The following BAZ1B variants were observed in gnomAD, a reference collection of about 807,000 sequenced individuals.
BAZ1B encodes bromodomain adjacent to zinc finger domain 1B.
A neutral mutation model predicts 153.8 loss-of-function variants in BAZ1B; 22 were observed. That is an observed-to-expected ratio of 0.14 (90% confidence interval 0.10 to 0.20). The LOEUF (loss-of-function observed/expected upper bound fraction) is 0.20. BAZ1B is among the 10% of genes least tolerant of loss of function. The pLI is 1.00. For synonymous variants in BAZ1B, 676 were observed against 633.4 expected (o/e 1.07, Z -1.01); for missense variants, 1,325 against 1,799.3 (o/e 0.74, Z 4.77).
At chr7:73,465,567 T>TAA in intron 10 of BAZ1B, 30 bp from the exon 11 acceptor site, 1 of 1,358,148 alleles carries the variant, frequency 7.4e-7, no homozygotes, top group Non-Finnish European at 1.0e-6. Flanking sequence ...CTGATAACTC[T>TAA]GAAAAAAAAA....
At chr7:73,444,915 G>A (rs533025080) in intron 16 of BAZ1B, among the ~76,000 whole-genome samples, 1 of 152,266 alleles carries the variant, frequency 6.6e-6, no homozygotes, top group South Asian at 2.1e-4. Context: ...TCAGGAGGCT[G>A]AGGCAGGAAA....
At chr7:73,494,042 T>C (rs782163363) in intron 4 of BAZ1B, among the ~76,000 whole-genome samples, 4 of 152,070 alleles carry the variant, frequency 2.6e-5, no homozygotes, top group Admixed American at 6.6e-5. Context: ...AGAGAACCAA[T>C]GACAGACTGT....
intron 6 of BAZ1B, among the ~76,000 whole-genome samples, chr7:73,485,626 A>AG (rs1491344685): frequency 4.4e-5 from 4 of 91,384 alleles, no homozygotes; most frequent in Non-Finnish European, 7.0e-5. Context: ...CCTACCTCAG[A>AG]AAAAAAAAAA....
At chr7:73,519,589 G>A (rs1790947204) in intron 1 of BAZ1B, among the ~76,000 whole-genome samples, 2 of 151,982 alleles carry the variant, frequency 1.3e-5, no homozygotes, top group South Asian at 4.1e-4. Context: ...AAATGTTTCC[G>A]GTTTCAGTTT....
intron 3 of BAZ1B, among the ~76,000 whole-genome samples, chr7:73,499,570 C>T (rs1338137040): frequency 2.6e-5 from 4 of 152,268 alleles, no homozygotes; most frequent in African/African-American, 4.8e-5. Flanking sequence ...AGCATGATGG[C>T]GTGTTCCCAT....
intron 3 of BAZ1B, among the ~76,000 whole-genome samples, chr7:73,499,916 T>C (rs1446114742): frequency 6.6e-6 from 1 of 152,222 alleles, no homozygotes; most frequent in Non-Finnish European, 1.5e-5. Context: ...TATGTGTTTC[T>C]CTCTTATACA....
intron 1 of BAZ1B, among the ~76,000 whole-genome samples, chr7:73,512,711 A>C (rs912899507): frequency 1.3e-5 from 2 of 152,202 alleles, no homozygotes; most frequent in Non-Finnish European, 2.9e-5. Context: ...ATCAACTGAC[A>C]TAAGTAGAAA....
chr7:73,442,904 ATCTGCTC>A, intron 17 of BAZ1B, 76 bp from the exon 18 acceptor site: 1 of 1,088,528 alleles, frequency 9.2e-7, no homozygotes, highest in Admixed American at 2.1e-5. Flanking sequence ...AAATAAGTGT[ATCTGCTC>A]AAAAAAGGAA....
intron 9 of BAZ1B, among the ~76,000 whole-genome samples, chr7:73,466,901 T>A (rs1788610830): frequency 6.6e-6 from 1 of 152,178 alleles, no homozygotes; most frequent in Admixed American, 6.6e-5. Flanking sequence ...AAAGCCTATC[T>A]TAGATCATCA....
At chr7:73,466,249 C>T in intron 10 of BAZ1B, 47 bp downstream of exon 10, 1 of 1,355,126 alleles carries the variant, frequency 7.4e-7, no homozygotes, top group South Asian at 1.2e-5. Context: ...TCTTCCTTAA[C>T]AATTAAAAGG....
chr7:73,522,115 G>A lies in BAZ1B; in HGVS notation c.-182C>T. 1 of 414,782 alleles carries A rather than the reference G, an allele frequency of 2.4e-6. No individual in the cohort carries two copies. Among genetic ancestry groups the A allele is most frequent in the East Asian group, 3.6e-5 (1 of 28,002 alleles). 25.7% of individuals were successfully genotyped at this position (414,782 alleles called of 1,614,324 possible). A position where few individuals can be genotyped will look rare whatever the true frequency, so the allele number is the denominator to read the frequency against. On this transcript the variant is annotated 5_prime_UTR_variant, in exon 1 of 20. Transcript: ENST00000339594. ...GCGGCCGCGCGACAGTCATGGAGCG[G>A]AACGCCACGGCGCAGAGCTCCCGCG...
chr7:73,470,534 T>C (rs1788762033), intron 7 of BAZ1B, 51 bp from the exon 8 acceptor site: 1 of 1,587,038 alleles, frequency 6.3e-7, no homozygotes, highest in Non-Finnish European at 8.6e-7. Context: ...TAAATCCCAC[T>C]CTTACAAATT....
intron 8 of BAZ1B, 94 bp from the exon 9 acceptor site, chr7:73,469,744 G>T: frequency 6.9e-7 from 1 of 1,449,636 alleles, no homozygotes; most frequent in Non-Finnish European, 9.5e-7. Flanking sequence ...GTATCACTGA[G>T]CATTCAAAAC....
chr7:73,465,568 GA>G (rs60386137), intron 10 of BAZ1B, 31 bp from the exon 11 acceptor site: 110,252 of 922,918 alleles, frequency 0.12, 5 homozygotes, highest in South Asian at 0.14. Context: ...TGATAACTCT[GA>G]AAAAAAAAAA....
intron 13 of BAZ1B, among the ~76,000 whole-genome samples, chr7:73,455,655 C>T (rs1400973186): frequency 1.3e-5 from 2 of 152,042 alleles, no homozygotes; most frequent in Non-Finnish European, 2.9e-5. Flanking sequence ...GTGACACTCG[C>T]CTATAATCCC....
rs148154253 is a variant in BAZ1B, at chr7:73,463,089, T to C, written c.3082A>G (p.Ile1028Val). ...KERLEKRYQD[I>V]IHSIHLARKP... Reference sequence around the variant, plus strand: ...CGTGCTAGATGAATAGAGTGAATAATGTCCTGGTACCTAGAAGATTTGGGA... The same window carrying C: ...CGTGCTAGATGAATAGAGTGAATAACGTCCTGGTACCTAGAAGATTTGGGA... Residue 1028 changes from isoleucine (I) to valine (V), a missense_variant, in exon 12 of 20, where the codon ATT becomes GTT. This residue lies in a region of BAZ1B where 431 missense variants were observed against 563.5 expected (regional missense o/e 0.76). Transcript: ENST00000339594. 1.2e-5 allele frequency: 19 copies of C among 1,612,610 alleles called. No homozygotes were observed. The African/African-American group carries it at 2.5e-4, about 22-fold the overall frequency.
rs1435884228 is a variant in BAZ1B at position 73,475,979 on chromosome 7, C to A, written c.2593+889G>T. On this transcript the variant is annotated intron_variant, in intron 7 of 19. Transcript: ENST00000339594. ...TAAATAGAGGTGGTCTATTTTGTGA[C>A]TGGCTTCTTTCACTTAGCATAATGT... Among the ~76,000 whole-genome samples the A allele has an allele frequency of 2.0e-5, 3 of 151,186 alleles. 1 individual carries two copies. In the South Asian group the frequency reaches 6.3e-4, roughly 32 times the overall value.
intron 4 of BAZ1B, among the ~76,000 whole-genome samples, chr7:73,497,055 C>T (rs1338495329): frequency 1.0e-5 from 1 of 97,314 alleles, no homozygotes; most frequent in Admixed American, 9.4e-5. Context: ...ATCGTGAGAA[C>T]TGACCTCTAC....
In BAZ1B at chr7:73,522,006, G is replaced by T; in HGVS notation, c.-73C>A. The T allele has an allele frequency of 8.9e-7, 1 of 1,129,228 alleles. No individual in the cohort carries two copies. Among genetic ancestry groups the T allele is most frequent in the Non-Finnish European group, 1.1e-6 (1 of 895,268 alleles). The allele number at this position is 1,129,228 out of a possible 1,614,324, so 70.0% of individuals were successfully genotyped here. ...GCGCAGCACTAGGCCCCGCGGCCCG[G>T]AGCGAGCGCCAGGCGCCCGGGGGTG... On this transcript the variant is annotated 5_prime_UTR_variant, in exon 1 of 20. Transcript: ENST00000339594.
Sources: allele counts gnomAD v4.1 joint callset (sites outside exome capture counted in the v4.1 genomes callset), GRCh38; gene constraint gnomAD v4.1.1; regional missense constraint gnomAD v4.1.1; transcripts MANE v1.5; gene names NCBI Gene and HGNC (gene_info 2026-07-23, HGNC 2026-07-21).